The following RNF180 variants were observed in gnomAD, a reference collection of about 807,000 sequenced individuals.
The protein encoded by RNF180 is ring finger protein 180.
In RNF180, 38 loss-of-function variants were observed where a neutral mutation model predicts 59.2. That is an observed-to-expected ratio of 0.64 (90% CI 0.50 to 0.84). The LOEUF is 0.84. RNF180 is among the 40% of genes least tolerant of loss of function. The pLI, the probability that RNF180 is intolerant of heterozygous loss-of-function variation, is 0.00. For synonymous variants in RNF180, 262 were observed against 240.3 expected, an observed-to-expected ratio of 1.09 and a Z score of -0.84; for missense variants, 705 against 700.9, an observed-to-expected ratio of 1.01 and a Z score of -0.07.
intron 4 of RNF180, among the ~76,000 whole-genome samples, chr5:64,214,905 C>T (rs1269963053): frequency 2.0e-5 from 3 of 151,882 alleles, no homozygotes; most frequent in African/African-American, 7.3e-5. Flanking sequence ...AAAAATGTTT[C>T]AGTAAATTCA....
At chr5:64,332,370 A>G (rs147040604) in intron 7 of RNF180, among the ~76,000 whole-genome samples, 152 of 152,278 alleles carry the variant, frequency 1.0e-3, no homozygotes, top group African/African-American at 3.5e-3. Flanking sequence ...ACAAGTTTAA[A>G]ACAAATAGAA....
At chr5:64,262,670 A>T (rs1744413143) in intron 5 of RNF180, among the ~76,000 whole-genome samples, 1 of 152,172 alleles carries the variant, frequency 6.6e-6, no homozygotes, top group Non-Finnish European at 1.5e-5. Context: ...AATGAGAAAC[A>T]TGCACTCATT....
At chr5:64,318,504 A>G (rs1481008696) in intron 5 of RNF180, among the ~76,000 whole-genome samples, 1 of 152,194 alleles carries the variant, frequency 6.6e-6, no homozygotes, top group East Asian at 1.9e-4. Context: ...ATGGTAAATG[A>G]AACTACAGAA....
At chr5:64,296,980 A>G (rs530166791) in intron 5 of RNF180, among the ~76,000 whole-genome samples, 6 of 152,216 alleles carry the variant, frequency 3.9e-5, no homozygotes, top group African/African-American at 1.2e-4. Context: ...AACTTACACA[A>G]AGGAAACTAT....
At position 64,371,788 on chromosome 5, in the gene RNF180, A is replaced by G. The variant is rs1746664304; in HGVS notation, c.*1974A>G. The G allele has an allele frequency of 6.6e-6, 1 of 151,678 alleles. No individual in the cohort carries two copies. Among genetic ancestry groups the G allele is most frequent in the Admixed American group, 6.6e-5 (1 of 15,174 alleles). The allele number at this position is 151,678 out of a possible 1,614,324, so 9.4% of individuals were successfully genotyped here. On this transcript the variant is annotated 3_prime_UTR_variant, in exon 8 of 8. Coordinates refer to ENST00000389100, the MANE Select transcript of RNF180 (RefSeq NM_001113561.2). ...CTTTAAAATATTCTTAAATTTTGTA[A>G]AAGTGGAGATAAAAACTGCTAAATA...
At chr5:64,303,702 A>G (rs1254597576) in intron 5 of RNF180, among the ~76,000 whole-genome samples, 5 of 151,666 alleles carry the variant, frequency 3.3e-5, no homozygotes, top group Non-Finnish European at 7.4e-5. Flanking sequence ...AGGTTTAAGG[A>G]AAGAAGCTGT....
intron 5 of RNF180, among the ~76,000 whole-genome samples, chr5:64,287,758 T>A (rs745481787): frequency 5.9e-5 from 9 of 152,190 alleles, no homozygotes; most frequent in Non-Finnish European, 1.3e-4. Context: ...TTGCCCACTT[T>A]TTGATGGTAC....
chr5:64,239,923 C>T (rs1311943738), intron 5 of RNF180, among the ~76,000 whole-genome samples: 3 of 152,112 alleles, frequency 2.0e-5, no homozygotes, highest in South Asian at 2.1e-4. Context: ...CTTTCCAAAT[C>T]TTTAATTAAA....
intron 5 of RNF180, among the ~76,000 whole-genome samples, chr5:64,292,292 C>T (rs1408651336): frequency 6.6e-6 from 1 of 152,104 alleles, no homozygotes; most frequent in African/African-American, 2.4e-5. Context: ...TTTAAGGTTG[C>T]TGACCTCTGA....
intron 7 of RNF180, among the ~76,000 whole-genome samples, chr5:64,353,205 A>G (rs891531102): frequency 6.6e-6 from 1 of 151,848 alleles, no homozygotes; most frequent in Non-Finnish European, 1.5e-5. Context: ...TGTATTCCAT[A>G]TTAACAGAAG....
chr5:64,368,560 A>G (rs1358074930), intron 7 of RNF180, among the ~76,000 whole-genome samples: 1 of 152,010 alleles, frequency 6.6e-6, no homozygotes, highest in African/African-American at 2.4e-5. Flanking sequence ...GAGGCTACTC[A>G]TCTGACAAAG....
chr5:64,296,525 A>G (rs1561245376), intron 5 of RNF180, among the ~76,000 whole-genome samples: 1 of 152,148 alleles, frequency 6.6e-6, no homozygotes, highest in Non-Finnish European at 1.5e-5. Flanking sequence ...GTTTTGTGCA[A>G]TACAGCATAT....
intron 5 of RNF180, among the ~76,000 whole-genome samples, chr5:64,249,321 A>G (rs1369868990): frequency 6.6e-6 from 1 of 152,228 alleles, no homozygotes; most frequent in Non-Finnish European, 1.5e-5. Context: ...AGCAAGAGAA[A>G]GAAGCAAATA....
chr5:64,194,332 A>T (rs1751342158), intron 1 of RNF180, among the ~76,000 whole-genome samples: 1 of 151,820 alleles, frequency 6.6e-6, no homozygotes, highest in Admixed American at 6.6e-5. Context: ...AAGGACAAGA[A>T]CTCATCCTTT....
chr5:64,168,772 A>G (rs1449894191), intron 1 of RNF180, among the ~76,000 whole-genome samples: 3 of 152,228 alleles, frequency 2.0e-5, no homozygotes, highest in African/African-American at 7.2e-5. Context: ...AAAAAAAGTT[A>G]TTAACAAGTT....
chr5:64,256,144 G>T (rs1269109590), intron 5 of RNF180, among the ~76,000 whole-genome samples: 1 of 152,068 alleles, frequency 6.6e-6, no homozygotes, highest in South Asian at 2.1e-4. Context: ...CTCCCATTCT[G>T]TAGGTTGCCT....
At chr5:64,294,583 A>G (rs1453402328) in intron 5 of RNF180, among the ~76,000 whole-genome samples, 1 of 152,222 alleles carries the variant, frequency 6.6e-6, no homozygotes, top group Admixed American at 6.5e-5. Context: ...TTATTAAAAC[A>G]AAAACTTTGA....
At chr5:64,226,710 G>A (rs1043273974) in intron 5 of RNF180, among the ~76,000 whole-genome samples, 1 of 151,936 alleles carries the variant, frequency 6.6e-6, no homozygotes, top group Non-Finnish European at 1.5e-5. Context: ...AGCCACATTT[G>A]TGATATTTTG....
intron 5 of RNF180, among the ~76,000 whole-genome samples, chr5:64,241,984 C>T (rs1254962759): frequency 6.6e-6 from 1 of 152,190 alleles, no homozygotes; most frequent in Non-Finnish European, 1.5e-5. Flanking sequence ...CTCAAGCTTA[C>T]ATGGTTGACT....
Sources: allele counts gnomAD v4.1 joint callset (sites outside exome capture counted in the v4.1 genomes callset), GRCh38; gene constraint gnomAD v4.1.1; transcripts MANE v1.5; gene names NCBI Gene and HGNC (gene_info 2026-07-23, HGNC 2026-07-21).